The following GALK2 variants were observed in gnomAD, a reference collection of about 807,000 sequenced individuals.
The protein encoded by GALK2 is N-acetylgalactosamine kinase.
In GALK2, 36 loss-of-function variants were observed where a neutral mutation model predicts 52.4. The observed-to-expected ratio is 0.69, with a 90% CI of 0.53 to 0.91. The LOEUF is 0.91. Ranked by LOEUF, GALK2 falls within the 40% of genes least tolerant of loss-of-function variation. The pLI, the probability that GALK2 is intolerant of heterozygous loss-of-function variation, is 0.00. For missense variants in GALK2, 579 were observed against 559.1 expected, an observed-to-expected ratio of 1.04 and a Z score of -0.36; for synonymous variants, 176 against 199.1, an observed-to-expected ratio of 0.88 and a Z score of 0.98.
chr15:49,339,327 C>G (rs2040307754), intron 3 of GALK2, among the ~76,000 whole-genome samples: 2 of 152,114 alleles, frequency 1.3e-5, no homozygotes, highest in African/African-American at 4.8e-5. Flanking sequence ...AGTGGACATC[C>G]TTTTTGTTGA....
At chr15:49,303,228 T>C (rs945345461) in intron 8 of GALK2, among the ~76,000 whole-genome samples, 1 of 152,318 alleles carries the variant, frequency 6.6e-6, no homozygotes, top group East Asian at 1.9e-4. Flanking sequence ...GTGCGTGATA[T>C]GTCCCTATTC....
At chr15:49,185,878 T>C (rs1316513239) in intron 1 of GALK2, among the ~76,000 whole-genome samples, 3 of 152,224 alleles carry the variant, frequency 2.0e-5, no homozygotes, top group Non-Finnish European at 4.4e-5. Flanking sequence ...CTGGATATAC[T>C]ATTCTAGGGT....
chr15:49,207,833 A>G (rs1166322062), intron 2 of GALK2, among the ~76,000 whole-genome samples: 1 of 152,086 alleles, frequency 6.6e-6, no homozygotes, highest in Non-Finnish European at 1.5e-5. Context: ...GCTGGAGTGC[A>G]GTGGTGTGAT....
chr15:49,219,084 C>T (rs908600518), intron 3 of GALK2, among the ~76,000 whole-genome samples: 1 of 152,190 alleles, frequency 6.6e-6, no homozygotes, highest in African/African-American at 2.4e-5. Flanking sequence ...GCATCAGCCT[C>T]CCAAAGTGCT....
At chr15:49,159,379 C>T (rs567916760) in intron 1 of GALK2, among the ~76,000 whole-genome samples, 1 of 151,986 alleles carries the variant, frequency 6.6e-6, no homozygotes, top group Non-Finnish European at 1.5e-5. Flanking sequence ...AGTTTGAGAC[C>T]AGCCTGGCCA....
chr15:49,357,837 A>G (rs1440752106), intron 3 of GALK2, among the ~76,000 whole-genome samples: 1 of 152,162 alleles, frequency 6.6e-6, no homozygotes, highest in Non-Finnish European at 1.5e-5. Context: ...AAAAATCCTC[A>G]ATAAAATACT....
At chr15:49,213,596 A>C (rs1453208653) in intron 2 of GALK2, among the ~76,000 whole-genome samples, 1 of 151,820 alleles carries the variant, frequency 6.6e-6, no homozygotes, top group Non-Finnish European at 1.5e-5. Context: ...GCATGTCTTT[A>C]TTGATGAGGT....
chr15:49,345,925 G>C (rs1333137356), intron 3 of GALK2, among the ~76,000 whole-genome samples: 1 of 152,098 alleles, frequency 6.6e-6, no homozygotes, highest in Non-Finnish European at 1.5e-5. Context: ...GAGAGACTCA[G>C]GAAAAGAATG....
At position 49,190,365 on chromosome 15, in the gene GALK2, A is replaced by AT. The variant is rs575062176; in HGVS notation, c.54-10789dup. ...TGCCCCCTGGCTGTTAATGTTTTCA[A>AT]TTTTTTTTGTATATATTTCTAAATG... On this transcript the variant is annotated intron_variant, in intron 1 of 9. Transcript: ENST00000560031. 6.6e-5 allele frequency among the ~76,000 whole-genome samples: 10 copies of AT among 151,972 alleles called. No individual in the cohort carries two copies. The East Asian group carries it at 9.7e-4, about 15-fold the overall frequency.
At chr15:49,225,038 T>C (rs923579202) in intron 3 of GALK2, among the ~76,000 whole-genome samples, 14 of 152,208 alleles carry the variant, frequency 9.2e-5, no homozygotes, top group African/African-American at 3.4e-4. Context: ...GGCCAGCAGA[T>C]AGGCTCTTAA....
chr15:49,157,171 T>TG (rs1297544634), intron 1 of GALK2, among the ~76,000 whole-genome samples: 1 of 152,232 alleles, frequency 6.6e-6, no homozygotes, highest in Non-Finnish European at 1.5e-5. Context: ...TATGACCCCT[T>TG]GGGAAGTGTC....
At chr15:49,188,812 G>A (rs2086533424) in intron 1 of GALK2, among the ~76,000 whole-genome samples, 1 of 152,116 alleles carries the variant, frequency 6.6e-6, no homozygotes, top group Non-Finnish European at 1.5e-5. Context: ...ATTAAATGCT[G>A]TAATCAGCTT....
At chr15:49,229,086 T>A (rs899300857) in intron 3 of GALK2, among the ~76,000 whole-genome samples, 5 of 152,202 alleles carry the variant, frequency 3.3e-5, no homozygotes, top group African/African-American at 1.2e-4. Flanking sequence ...GGTGAATTGT[T>A]TTGCTTCTTC....
chr15:49,361,853 A>G (rs1476949768), intron 3 of GALK2, among the ~76,000 whole-genome samples: 1 of 152,144 alleles, frequency 6.6e-6, no homozygotes, highest in Admixed American at 6.5e-5. Context: ...ACTAATTTAC[A>G]TTCCCACCAG....
chr15:49,234,840 C>T (rs995202470), intron 3 of GALK2, among the ~76,000 whole-genome samples: 2 of 151,824 alleles, frequency 1.3e-5, no homozygotes, highest in South Asian at 2.1e-4. Flanking sequence ...GATCTCAGCT[C>T]ACTGCAACCT....
chr15:49,171,788 T>C (rs1348745527), intron 1 of GALK2, among the ~76,000 whole-genome samples: 1 of 152,024 alleles, frequency 6.6e-6, no homozygotes, highest in Non-Finnish European at 1.5e-5. Flanking sequence ...TTTTTTTTTT[T>C]TGAGACAGAG....
At chr15:49,310,837 T>C (rs1185316544) in intron 8 of GALK2, among the ~76,000 whole-genome samples, 10 of 152,302 alleles carry the variant, frequency 6.6e-5, no homozygotes, top group South Asian at 2.1e-4. Context: ...ATTCTGCAAG[T>C]TGTCTCTTCA....
chr15:49,213,473 A>C (rs892011244), intron 2 of GALK2, among the ~76,000 whole-genome samples: 1 of 152,110 alleles, frequency 6.6e-6, no homozygotes, highest in South Asian at 2.1e-4. Context: ...TAAGCCCCGC[A>C]TGCATTAGCT....
chr15:49,278,902 C>A (rs1382584480), intron 5 of GALK2, among the ~76,000 whole-genome samples: 4 of 152,240 alleles, frequency 2.6e-5, no homozygotes, highest in Admixed American at 1.3e-4. Context: ...AGGAAACTTA[C>A]AATCATGGCA....
Sources: gnomAD v4.1 joint callset for allele counts (sites outside exome capture counted in the v4.1 genomes callset) on GRCh38, gnomAD v4.1.1 for gene constraint, MANE v1.5 for transcripts, NCBI Gene and HGNC (gene_info 2026-07-23, HGNC 2026-07-21) for gene names.